The following EFR3A variants were observed in gnomAD, a reference collection of about 807,000 sequenced individuals.
EFR3A encodes the protein EFR3 homolog A, also known as protein EFR3 homolog A.
In EFR3A, 76 loss-of-function variants were observed where a neutral mutation model predicts 104.4. That is an observed-to-expected ratio of 0.73 (90% CI 0.60 to 0.88). EFR3A has a LOEUF of 0.88. EFR3A is among the 40% of genes least tolerant of loss of function. EFR3A has a pLI of 0.00. For missense variants in EFR3A, 985 were observed against 1,012.5 expected, an observed-to-expected ratio of 0.97 and a Z score of 0.37; for synonymous variants, 330 against 330.0, an observed-to-expected ratio of 1.00 and a Z score of 0.00.
At chr8:131,959,740 A>G in intron 8 of EFR3A, 77 bp downstream of exon 8, 3 of 951,030 alleles carry the variant, frequency 3.2e-6, no homozygotes, top group African/African-American at 1.7e-5. Context: ...TATCAAACAG[A>G]TGTGGGAAGC....
chr8:131,971,024 G>A (rs1820025796), intron 10 of EFR3A, among the ~76,000 whole-genome samples: 2 of 151,800 alleles, frequency 1.3e-5, no homozygotes, highest in African/African-American at 2.4e-5. Context: ...TCTAAACCAC[G>A]AGATACAGGA....
At chr8:131,999,378 T>C (rs910886046) in intron 19 of EFR3A, among the ~76,000 whole-genome samples, 3 of 152,160 alleles carry the variant, frequency 2.0e-5, no homozygotes, top group Admixed American at 6.5e-5. Context: ...ACTATATTAG[T>C]AGTAGTGACA....
At position 132,003,231 on chromosome 8, in the gene EFR3A, TGCAGG is replaced by T; in HGVS notation, c.2311-4_2311del. ...CCATTCTTAACATTTTTTTCTTTTT[TGCAGG>T]CAAATTTGCTTCATGATAGACTTGC... On this transcript the variant is annotated splice_acceptor_variant and splice_polypyrimidine_tract_variant and coding_sequence_variant and intron_variant, in exon 22 of 23. Transcript: ENST00000254624. LOFTEE classifies it high-confidence loss of function. 6.2e-7 allele frequency: 1 copy of T among 1,612,370 alleles called. No individual in the cohort carries two copies. Among genetic ancestry groups the T allele is most frequent in the Non-Finnish European group, 8.5e-7 (1 of 1,179,128 alleles).
intron 1 of EFR3A, among the ~76,000 whole-genome samples, chr8:131,914,142 G>T (rs942576735): frequency 6.6e-5 from 10 of 152,250 alleles, no homozygotes; most frequent in Admixed American, 3.3e-4. Context: ...ATCTACAGTG[G>T]GGGGGACACT....
chr8:131,982,802 A>T (rs150774393), intron 14 of EFR3A, among the ~76,000 whole-genome samples: 6 of 152,192 alleles, frequency 3.9e-5, no homozygotes, highest in African/African-American at 1.4e-4. Context: ...AGTTTTTTTT[A>T]CCCCACCCAA....
At chr8:131,925,436 C>T (rs1258508956) in intron 1 of EFR3A, among the ~76,000 whole-genome samples, 2 of 152,054 alleles carry the variant, frequency 1.3e-5, no homozygotes, top group South Asian at 4.1e-4. Context: ...TTAGCTCTTG[C>T]AGGCAGGTAA....
intron 1 of EFR3A, among the ~76,000 whole-genome samples, chr8:131,928,193 C>G (rs796453782): frequency 6.6e-6 from 1 of 151,510 alleles, no homozygotes; most frequent in East Asian, 1.9e-4. Context: ...TTGAATGTCT[C>G]TCCTGGAAGA....
chr8:131,944,180 C>G (rs549919576), intron 2 of EFR3A, among the ~76,000 whole-genome samples: 1 of 152,172 alleles, frequency 6.6e-6, no homozygotes, highest in South Asian at 2.1e-4. Flanking sequence ...TGCACATCAT[C>G]TTTTAAAAGG....
At chr8:131,944,706 A>C (rs75973656) in intron 2 of EFR3A, 39 bp from the exon 3 acceptor site, 1 of 1,510,894 alleles carries the variant, frequency 6.6e-7, no homozygotes, top group East Asian at 2.5e-5. Context: ...AATAAGCATG[A>C]AAATATAGAT....
chr8:131,983,793 T>G (rs918161233), intron 14 of EFR3A, among the ~76,000 whole-genome samples: 2 of 152,206 alleles, frequency 1.3e-5, no homozygotes, highest in African/African-American at 4.8e-5. Flanking sequence ...CCAAAGTGTC[T>G]CAGGATTCTG....
At position 132,002,630 on chromosome 8, in the gene EFR3A, A is replaced by T; in HGVS notation, c.2234A>T (p.Lys745Met). The stretch of plus-strand genomic sequence containing the variant: ...ACCAGTGGAATGGAAGAACAGGAAA[A>T]GGAAAAGAGGCGTCTTGTGATAGAG... Reference protein sequence around the residue: ...IDTSGMEEQEKEKRRLVIEKF... With the variant: ...IDTSGMEEQEMEKRRLVIEKF... The change falls in exon 21 of 23, where the codon AAG (lysine) becomes ATG (methionine). Residue 745 changes from lysine (K) to methionine (M), a missense_variant. Physicochemically the swap from Lys to Met is moderately conservative, Grantham distance 95 (BLOSUM62 -1). Coordinates refer to ENST00000254624, the MANE Select transcript of EFR3A (RefSeq NM_015137.6). 1 of 1,613,710 alleles carries T rather than the reference A, an allele frequency of 6.2e-7. No individual in the cohort carries two copies. The highest frequency in any genetic ancestry group is 8.5e-7 in the Non-Finnish European group (1 of 1,179,662).
intron 8 of EFR3A, among the ~76,000 whole-genome samples, chr8:131,962,671 A>T (rs892695432): frequency 1.3e-5 from 2 of 152,028 alleles, no homozygotes; most frequent in African/African-American, 4.8e-5. Context: ...GTTAACAAGG[A>T]TATACAAGGA....
At chr8:131,939,638 T>A (rs1019910794) in intron 1 of EFR3A, among the ~76,000 whole-genome samples, 2 of 152,114 alleles carry the variant, frequency 1.3e-5, no homozygotes, top group African/African-American at 4.8e-5. Context: ...TGCTAACAAT[T>A]TGAATTTACT....
In EFR3A at chr8:131,980,671, T is replaced by G. The variant is rs192976490; in HGVS notation, c.1575+1250T>G. 9.7e-4 allele frequency among the ~76,000 whole-genome samples: 148 copies of G among 152,246 alleles called. 3 individuals carry two copies. Among genetic ancestry groups the G allele is most frequent in the Non-Finnish European group, 1.6e-4 (11 of 68,010 alleles). The stretch of plus-strand genomic sequence containing the variant: ...CTATCTTGTTTTATGGTGACATACT[T>G]GAAATTTACTCTCTTAGTTATTTTG... On this transcript the variant is annotated intron_variant, in intron 14 of 22. Transcript: ENST00000254624.
chr8:131,976,357 T>C (rs989136718), intron 11 of EFR3A, among the ~76,000 whole-genome samples: 2 of 152,146 alleles, frequency 1.3e-5, no homozygotes, highest in African/African-American at 4.8e-5. Context: ...TTCTCAGATA[T>C]TTCCATCTTT....
Position 132,011,731 on chromosome 8 carries a change from C to G in EFR3A, c.*836C>G, listed in dbSNP as rs1166828269. ...ATATATATTTAGTGCAGAAAAAAGA[C>G]ATTTAAAACAGCTATTAGTTCACCT... On this transcript the variant is annotated 3_prime_UTR_variant, in exon 23 of 23. Transcript: ENST00000254624. The G allele has an allele frequency of 6.6e-6, 1 of 152,586 alleles. No homozygotes were observed. Among genetic ancestry groups the G allele is most frequent in the Non-Finnish European group, 1.5e-5 (1 of 68,064 alleles). The allele number at this position is 152,586 out of a possible 1,614,324, so 9.5% of individuals were successfully genotyped here.
At chr8:131,913,396 C>G (rs1816608694) in intron 1 of EFR3A, among the ~76,000 whole-genome samples, 2 of 151,688 alleles carry the variant, frequency 1.3e-5, no homozygotes, top group Admixed American at 1.3e-4. Flanking sequence ...GTATTTCTTG[C>G]TCTCTGACTT....
rs777110448 is a variant in EFR3A, at chr8:131,946,512, A to G, written c.245A>G (p.Asp82Gly). ...GYVLIAMEAL[D>G]QLLMACHSQS... is the part of the protein sequence containing the mutation. ...GTTTTGATTGCTATGGAGGCACTGG[A>G]CCAACTTCTCATGGCTTGCCATTCT... The change falls in exon 4 of 23, where the codon GAC (aspartate) becomes GGC (glycine). Residue 82 changes from aspartate to glycine, a missense_variant. By Grantham distance (94) the Asp-to-Gly change is moderately conservative (BLOSUM62 -1). Transcript: ENST00000254624. The G allele has an allele frequency of 4.4e-6, 7 of 1,605,722 alleles. No individual in the cohort carries two copies. In the South Asian group the frequency reaches 6.7e-5, roughly 15 times the overall value.
intron 2 of EFR3A, among the ~76,000 whole-genome samples, chr8:131,941,160 TAAAG>T (rs916043686): frequency 5.3e-5 from 8 of 152,000 alleles, no homozygotes; most frequent in African/African-American, 1.9e-4. Context: ...AACTGAGAGG[TAAAG>T]AAAGATTGTT....
Sources: gnomAD v4.1 joint callset for allele counts (sites outside exome capture counted in the v4.1 genomes callset) on GRCh38, gnomAD v4.1.1 for gene constraint, MANE v1.5 for transcripts, NCBI Gene and HGNC (gene_info 2026-07-23, HGNC 2026-07-21) for gene names.